TMEM276: variants seen among roughly 807,000 people sequenced by gnomAD.
TMEM276 encodes transmembrane protein 276.
the TMEM276 span, chr8:144,466,905 C>T: frequency 5.1e-6 from 8 of 1,557,856 alleles, no homozygotes; most frequent in African/African-American, 1.4e-5. Flanking sequence ...GGGGCGGAGG[C>T]CTGGCTCAAG....
the TMEM276 span, chr8:144,465,176 T>G: frequency 7.4e-7 from 1 of 1,348,088 alleles, no homozygotes; most frequent in Non-Finnish European, 9.7e-7. Flanking sequence ...ACGTCAGCCC[T>G]GGGGCCCTGG....
chr8:144,466,494 C>G, the TMEM276 span: 1 of 1,314,696 alleles, frequency 7.6e-7, no homozygotes, highest in Non-Finnish European at 9.8e-7. Flanking sequence ...CCGCGGCGGC[C>G]GCGGAGCCCG....
the TMEM276 span, chr8:144,466,620 G>C: frequency 2.3e-6 from 2 of 870,536 alleles, no homozygotes. Context: ...GGGGCGACGG[G>C]GCCGTGCCGA....
chr8:144,464,470 T>A, the TMEM276 span: 1 of 1,612,246 alleles, frequency 6.2e-7, no homozygotes, highest in Non-Finnish European at 8.5e-7. Flanking sequence ...CCAGTGGAAA[T>A]CGAAGGCCAG....
chr8:144,466,740 C>A, the TMEM276 span: 4 of 1,507,798 alleles, frequency 2.7e-6, no homozygotes, highest in African/African-American at 5.7e-5. Flanking sequence ...TCCTCAGGGG[C>A]GCCCCTGCCC....
At chr8:144,464,283 C>T in the TMEM276 span, 1 of 1,613,298 alleles carries the variant, frequency 6.2e-7, no homozygotes, top group Non-Finnish European at 8.5e-7. Flanking sequence ...TCGCCCCCCC[C>T]CACATCCCAT....
At chr8:144,463,974 C>A in the TMEM276 span, 269 of 1,505,610 alleles carry the variant, frequency 1.8e-4, no homozygotes, top group Middle Eastern at 2.5e-4. Flanking sequence ...GGCCAAAGGA[C>A]AGCACCCAGA....
the TMEM276 span, chr8:144,467,012 G>T: frequency 1.3e-6 from 2 of 1,596,416 alleles, no homozygotes; most frequent in Middle Eastern, 1.7e-4. Flanking sequence ...CCGCGCGGCC[G>T]CGGTGTCCCT....
chr8:144,464,350 A>G, the TMEM276 span: 1 of 1,611,788 alleles, frequency 6.2e-7, no homozygotes, highest in Non-Finnish European at 8.5e-7. Flanking sequence ...CACCAACAGC[A>G]TTGCCTGACC....
At chr8:144,464,800 T>A in the TMEM276 span, 1 of 1,612,400 alleles carries the variant, frequency 6.2e-7, no homozygotes, top group Non-Finnish European at 8.5e-7. Context: ...TCAGCCCCAG[T>A]GTACTCACCT....
the TMEM276 span, chr8:144,466,245 G>C: frequency 5.1e-6 from 1 of 196,770 alleles, no homozygotes; most frequent in African/African-American, 2.4e-5. Context: ...AGGTGCGGCC[G>C]CGGGCACCTG....
At chr8:144,464,156 G>T in the TMEM276 span, 1 of 1,612,636 alleles carries the variant, frequency 6.2e-7, no homozygotes, top group Non-Finnish European at 8.5e-7. Context: ...TGTGTATGCA[G>T]GGCCCGGCAG....
the TMEM276 span, chr8:144,466,659 A>C: frequency 9.3e-7 from 1 of 1,072,940 alleles, no homozygotes; most frequent in Non-Finnish European, 1.3e-6. Flanking sequence ...CGATGCTGGA[A>C]GCGTAGACTT....
At chr8:144,467,001 G>A in the TMEM276 span, 2 of 1,596,662 alleles carry the variant, frequency 1.3e-6, no homozygotes, top group East Asian at 2.2e-5. Flanking sequence ...GCAGCCGAGG[G>A]CCGCGCGGCC....
At chr8:144,464,168 A>G in the TMEM276 span, 3 of 1,612,968 alleles carry the variant, frequency 1.9e-6, no homozygotes, top group Non-Finnish European at 1.7e-6. Context: ...GCCCGGCAGT[A>G]AGCCCAGCTG....
At chr8:144,464,092 G>A in the TMEM276 span, 8 of 1,579,714 alleles carry the variant, frequency 5.1e-6, no homozygotes, top group East Asian at 1.3e-4. Context: ...AAAGTGTTCG[G>A]CAGGGCAGAA....
the TMEM276 span, chr8:144,466,215 G>A: frequency 5.4e-6 from 1 of 184,688 alleles, no homozygotes; most frequent in Non-Finnish European, 1.1e-5. Flanking sequence ...GGGCGGCGCC[G>A]TGAGAAACGG....
At chr8:144,466,715 G>A in the TMEM276 span, 1 of 1,442,688 alleles carries the variant, frequency 6.9e-7, no homozygotes, top group South Asian at 1.3e-5. Flanking sequence ...GGGGCCAGCA[G>A]GCTGCCTGCC....
At chr8:144,464,731 CT>C in the TMEM276 span, 1 of 441,488 alleles carries the variant, frequency 2.3e-6, no homozygotes, top group Non-Finnish European at 3.3e-6. Flanking sequence ...CCACCAACCT[CT>C]CTCTAATTCA....
Sources: allele counts gnomAD v4.1 joint callset, GRCh38; gene constraint gnomAD v4.1.1; transcripts MANE v1.5; gene names NCBI Gene and HGNC (gene_info 2026-07-23, HGNC 2026-07-21).